The following SPON1 variants were observed in gnomAD, a reference collection of about 807,000 sequenced individuals.
SPON1 encodes the protein spondin-1.
Under a neutral mutation model 111.7 loss-of-function variants are expected in SPON1, and 52 were observed. The observed-to-expected ratio is 0.47, with a 90% CI of 0.37 to 0.59. The LOEUF is 0.59. Ranked by LOEUF, SPON1 falls within the 20% of genes least tolerant of loss-of-function variation. The pLI is 0.00. For missense variants in SPON1, 957 were observed against 1,068.5 expected (o/e 0.90, Z 1.46); for synonymous variants, 410 against 395.8 (o/e 1.04, Z -0.43).
chr11:14,157,781 A>T (rs1269332001), intron 6 of SPON1, among the ~76,000 whole-genome samples: 3 of 151,956 alleles, frequency 2.0e-5, no homozygotes, highest in African/African-American at 4.8e-5. Context: ...CTCCTCTGCT[A>T]GTCTGAAATG....
chr11:14,260,727 G>T lies in SPON1; in HGVS notation c.1971G>T (p.Val657=). 6.2e-7 allele frequency: 1 copy of T among 1,613,898 alleles called. No individual in the cohort carries two copies. The highest frequency in any genetic ancestry group is 8.5e-7 in the Non-Finnish European group (1 of 1,179,832). ...ACTGCAATGAGGATCTGGAGCAGGT[G>T]GAGAAGTGCATGCTCCCTGAATGCC... ...LGDCNEDLEQ[V]EKCMLPECPI... is the part of the protein sequence containing the mutation. The change falls in exon 14 of 16, where the codon GTG becomes GTT. Residue 657 remains valine (V), a synonymous_variant. Coordinates refer to ENST00000576479, the MANE Select transcript of SPON1 (RefSeq NM_006108.4).
intron 6 of SPON1, among the ~76,000 whole-genome samples, chr11:14,242,225 CA>C (rs782743429): frequency 2.6e-4 from 39 of 152,186 alleles, no homozygotes; most frequent in South Asian, 2.1e-4. Context: ...GCAAGGTACC[CA>C]ACCAGGGAGA....
chr11:14,155,432 T>G (rs7478740), intron 6 of SPON1, among the ~76,000 whole-genome samples: 1 of 151,908 alleles, frequency 6.6e-6, no homozygotes, highest in African/African-American at 2.4e-5. Context: ...GAAACTGACA[T>G]GTCCTACATG....
chr11:14,080,148 A>C, intron 5 of SPON1, 127 bp downstream of exon 5: 1 of 1,039,580 alleles, frequency 9.6e-7, no homozygotes, highest in Non-Finnish European at 1.4e-6. Flanking sequence ...TGAAATGCAC[A>C]ATCCAAGTAT....
chr11:14,222,471 G>A (rs1554937680), intron 6 of SPON1, among the ~76,000 whole-genome samples: 2 of 152,364 alleles, frequency 1.3e-5, no homozygotes, highest in African/African-American at 4.8e-5. Flanking sequence ...CCCACCCAGA[G>A]ATCCCAATTC....
In SPON1 at chr11:14,079,993, C is replaced by T. The variant is rs185832194; in HGVS notation, c.648C>T (p.Ser216=). 37 of 1,613,808 alleles carry T rather than the reference C, an allele frequency of 2.3e-5. No homozygotes were observed. The highest frequency in any genetic ancestry group is 2.5e-5 in the Non-Finnish European group (30 of 1,179,850). The part of the protein sequence containing the change: ...KYRLTFYGNW[S]EKTHPKDYPR... Reference sequence around the variant, plus strand: ...GACTCACATTTTATGGGAATTGGTCCGAGAAGACACACCCAAAGGATTACC... The same window carrying T: ...GACTCACATTTTATGGGAATTGGTCTGAGAAGACACACCCAAAGGATTACC... Residue 216 remains serine, a synonymous_variant, in exon 5 of 16, where the codon TCC becomes TCT. Coordinates refer to ENST00000576479, the MANE Select transcript of SPON1 (RefSeq NM_006108.4).
intron 6 of SPON1, among the ~76,000 whole-genome samples, chr11:14,142,107 C>T (rs942639345): frequency 1.3e-5 from 2 of 152,146 alleles, no homozygotes; most frequent in African/African-American, 4.8e-5. Flanking sequence ...ATGAAAATGG[C>T]GATTGTGCCA....
At chr11:14,171,599 G>T (rs2133882154) in intron 6 of SPON1, among the ~76,000 whole-genome samples, 1 of 152,148 alleles carries the variant, frequency 6.6e-6, no homozygotes, top group Middle Eastern at 3.4e-3. Flanking sequence ...GTCAATTTTA[G>T]ATCTTTCCTG....
At chr11:14,258,448 T>A (rs562532609) in intron 11 of SPON1, among the ~76,000 whole-genome samples, 3 of 152,248 alleles carry the variant, frequency 2.0e-5, no homozygotes, top group Non-Finnish European at 4.4e-5. Flanking sequence ...AGCTTCAAGA[T>A]TGCACTAAGC....
intron 3 of SPON1, among the ~76,000 whole-genome samples, chr11:14,074,642 C>T (rs1299862456): frequency 6.6e-6 from 1 of 152,176 alleles, no homozygotes; most frequent in African/African-American, 2.4e-5. Context: ...CCTTCAAGGC[C>T]AGCTGAAAAT....
chr11:14,138,586 A>C (rs1310753043), intron 6 of SPON1, among the ~76,000 whole-genome samples: 1 of 152,094 alleles, frequency 6.6e-6, no homozygotes, highest in East Asian at 1.9e-4. Flanking sequence ...ATACTGAGCT[A>C]TGGCTAGCCT....
rs1849151593 is a variant in SPON1, at chr11:14,259,747, G to A, written c.1831+46G>A. 2.6e-6 allele frequency: 4 copies of A among 1,532,892 alleles called. No homozygotes were observed. The East Asian group carries it at 7.3e-5, about 28-fold the overall frequency. The allele number at this position is 1,532,892 out of a possible 1,614,324, so 95.0% of individuals were successfully genotyped here. A position where few individuals can be genotyped will look rare whatever the true frequency, so the allele number is the denominator to read the frequency against. On this transcript the variant is annotated intron_variant, in intron 13 of 15. Transcript: ENST00000576479. This position sits in a 1 kb window ranked among gnomAD's most constrained non-coding sequence, Gnocchi z 5.0. ...ACTTGGAGGAGGCCACTGGGGACAGGCGTGGAGGGCCATGGCATCCACTAT... is the reference window on the plus strand; with the variant it reads ...ACTTGGAGGAGGCCACTGGGGACAGACGTGGAGGGCCATGGCATCCACTAT...
At chr11:14,093,912 A>G (rs371012502) in intron 5 of SPON1, among the ~76,000 whole-genome samples, 1 of 152,186 alleles carries the variant, frequency 6.6e-6, no homozygotes, top group Non-Finnish European at 1.5e-5. Flanking sequence ...AAGCACTGCA[A>G]TAAAATACTT....
At chr11:14,126,324 A>G (rs982174723) in intron 5 of SPON1, among the ~76,000 whole-genome samples, 48 of 152,244 alleles carry the variant, frequency 3.2e-4, no homozygotes, top group African/African-American at 1.1e-3. Flanking sequence ...AACACTAGAT[A>G]AAATATCAGA....
chr11:13,969,370 GT>G lies in SPON1; in HGVS notation c.238+6229del, dbSNP rs199989555. Among the ~76,000 whole-genome samples, 52 of 152,280 alleles carry G rather than the reference GT, an allele frequency of 3.4e-4. No homozygotes were observed. In the East Asian group the frequency reaches 9.5e-3, roughly 28 times the overall value. ...CAGTGCACCCAGCCTGGGCGACAAA[GT>G]GAGACCCTGTCTCAAAAGAAGGGAA... is the stretch of plus-strand genomic sequence containing the variant. On this transcript the variant is annotated intron_variant, in intron 1 of 15. Coordinates refer to ENST00000576479, the MANE Select transcript of SPON1 (RefSeq NM_006108.4).
At chr11:13,990,265 C>T (rs1304882475) in intron 2 of SPON1, among the ~76,000 whole-genome samples, 1 of 150,652 alleles carries the variant, frequency 6.6e-6, no homozygotes, top group Non-Finnish European at 1.5e-5. Flanking sequence ...ATAGTTAGCT[C>T]TTCTTGCTGC....
At chr11:14,141,021 G>GA (rs1847648085) in intron 6 of SPON1, among the ~76,000 whole-genome samples, 1 of 114,598 alleles carries the variant, frequency 8.7e-6, no homozygotes, top group African/African-American at 3.1e-5. Flanking sequence ...ATGCAGGCGT[G>GA]CCCCCCCCAT....
intron 1 of SPON1, among the ~76,000 whole-genome samples, chr11:13,971,386 A>G (rs1848062086): frequency 6.6e-6 from 1 of 152,166 alleles, no homozygotes; most frequent in South Asian, 2.1e-4. Flanking sequence ...GTATCTGGAG[A>G]AGTAGGCCTG....
intron 1 of SPON1, among the ~76,000 whole-genome samples, chr11:13,968,340 TC>T (rs1278587877): frequency 6.6e-6 from 1 of 152,216 alleles, no homozygotes; most frequent in Non-Finnish European, 1.5e-5. Context: ...TCTACCTTGT[TC>T]CCTGACATCT....
Sources: allele counts gnomAD v4.1 joint callset (sites outside exome capture counted in the v4.1 genomes callset), GRCh38; gene constraint gnomAD v4.1.1; non-coding constraint Gnocchi (gnomAD v3.1); transcripts MANE v1.5; gene names NCBI Gene and HGNC (gene_info 2026-07-23, HGNC 2026-07-21).